Variants in IGFL2 observed in about 807,000 individuals in gnomAD.
IGFL2 encodes the protein IGF like family member 2.
IGFL2 carries 7 observed loss-of-function variants against 13.9 expected under a neutral mutation model. The ratio of observed to expected loss-of-function variants is 0.51; its 90% CI spans 0.29 to 0.95. The LOEUF (loss-of-function observed/expected upper bound fraction) is 0.95, where lower values mean the gene tolerates loss of function less well. Among genes scored for constraint, IGFL2 ranks in the 40% least tolerant of loss-of-function variants. IGFL2 has a pLI of 0.08. For synonymous variants in IGFL2, 55 were observed against 55.8 expected (o/e 0.99, Z 0.07); for missense variants, 138 against 147.8 (o/e 0.93, Z 0.34).
At chr19:46,108,443 G>T in the IGFL2 span, among the ~76,000 whole-genome samples, 2 of 152,176 alleles carry the variant, frequency 1.3e-5, no homozygotes, top group East Asian at 3.8e-4. Context: ...AAGTAATGTT[G>T]CAGAAGAAAA....
the IGFL2 span, among the ~76,000 whole-genome samples, chr19:46,167,623 T>G: frequency 6.6e-6 from 1 of 152,144 alleles, no homozygotes; most frequent in Non-Finnish European, 1.5e-5. Flanking sequence ...ACATTATCTA[T>G]TATGGACTGA....
At chr19:46,101,894 G>A in the IGFL2 span, among the ~76,000 whole-genome samples, 1 of 152,234 alleles carries the variant, frequency 6.6e-6, no homozygotes, top group African/African-American at 2.4e-5. Flanking sequence ...TAACATTGAG[G>A]TGGGCAAATA....
chr19:46,160,910 C>A, intron 3 of IGFL2, 29 bp downstream of exon 3: 1 of 1,610,350 alleles, frequency 6.2e-7, no homozygotes, highest in South Asian at 1.1e-5. Flanking sequence ...GCCAGGGGGT[C>A]GGGGGAAGGG....
downstream of IGFL2, chr19:46,161,318 C>CTTTTTTTTTTTTTTTT (rs71175262): frequency 4.4e-6 from 1 of 228,620 alleles, no homozygotes. Flanking sequence ...CGTCTCCTTT[C>CTTTTTTTTTTTTTTTT]TTTTTTTTTT....
At chr19:46,124,671 G>A in the IGFL2 span, 1 of 1,605,084 alleles carries the variant, frequency 6.2e-7, no homozygotes, top group Non-Finnish European at 8.5e-7. Context: ...TGCTCTAGGA[G>A]AATTGAAGAA....
the IGFL2 span, among the ~76,000 whole-genome samples, chr19:46,105,695 GA>G: frequency 6.6e-6 from 1 of 152,288 alleles, no homozygotes; most frequent in African/African-American, 2.4e-5. Context: ...TGGAAGTTAT[GA>G]GAACTGTAGG....
intron 1 of IGFL2, among the ~76,000 whole-genome samples, chr19:46,152,063 T>C (rs2097351882): frequency 6.6e-6 from 1 of 152,254 alleles, no homozygotes; most frequent in Admixed American, 6.5e-5. Context: ...TTTTGTTGTT[T>C]TTAATGCACA....
the IGFL2 span, among the ~76,000 whole-genome samples, chr19:46,184,750 A>G: frequency 6.6e-5 from 10 of 152,220 alleles, no homozygotes; most frequent in Non-Finnish European, 1.3e-4. Flanking sequence ...AGAATGATTT[A>G]TAATCCTTTG....
At chr19:46,104,192 C>G in the IGFL2 span, among the ~76,000 whole-genome samples, 1 of 152,106 alleles carries the variant, frequency 6.6e-6, no homozygotes, top group African/African-American at 2.4e-5. Context: ...AGGTTGGGTC[C>G]GAGCAAGAAA....
the IGFL2 span, among the ~76,000 whole-genome samples, chr19:46,211,926 TATA>T: frequency 2.0e-5 from 3 of 152,104 alleles, no homozygotes; most frequent in Non-Finnish European, 4.4e-5. Flanking sequence ...TGTACAATAG[TATA>T]ATATGATCGA....
At chr19:46,108,799 G>T in the IGFL2 span, among the ~76,000 whole-genome samples, 1 of 152,194 alleles carries the variant, frequency 6.6e-6, no homozygotes, top group African/African-American at 2.4e-5. Context: ...AGTGACCAGC[G>T]CTGGAGTTTT....
At chr19:46,172,504 G>A in the IGFL2 span, among the ~76,000 whole-genome samples, 1 of 152,048 alleles carries the variant, frequency 6.6e-6, no homozygotes, top group African/African-American at 2.4e-5. Flanking sequence ...TTTTTTTCAG[G>A]TGGAGTTCTG....
chr19:46,142,654 A>G (rs562804157), upstream of IGFL2, among the ~76,000 whole-genome samples: 122 of 152,380 alleles, frequency 8.0e-4, no homozygotes, highest in African/African-American at 2.8e-3. Flanking sequence ...CTGGTGGCTG[A>G]CAGATATTAT....
chr19:46,154,657 G>A (rs1004087580), intron 1 of IGFL2, among the ~76,000 whole-genome samples: 1 of 151,884 alleles, frequency 6.6e-6, no homozygotes, highest in Non-Finnish European at 1.5e-5. Flanking sequence ...CACTGTGCTT[G>A]CCAGGATGGT....
At chr19:46,080,006 C>G in the IGFL2 span, among the ~76,000 whole-genome samples, 1 of 151,740 alleles carries the variant, frequency 6.6e-6, no homozygotes. Flanking sequence ...AGTTGGAAAA[C>G]GTGCGTCAGA....
chr19:46,201,550 C>T, the IGFL2 span, among the ~76,000 whole-genome samples: 1 of 152,230 alleles, frequency 6.6e-6, no homozygotes. Context: ...CCCTGACTCT[C>T]TGAGTCATCA....
chr19:46,153,290 T>G lies in IGFL2; in HGVS notation c.19+4993T>G, dbSNP rs75446829. 6.7e-3 allele frequency among the ~76,000 whole-genome samples: 1,018 copies of G among 152,334 alleles called. 36 individuals carry two copies. Among genetic ancestry groups the G allele is most frequent in the East Asian group, 0.056 (291 of 5,188 alleles). On this transcript the variant is annotated intron_variant, in intron 1 of 3. Coordinates refer to ENST00000377693, the MANE Select transcript of IGFL2 (RefSeq NM_001135113.2). ...TTCACCATCTGGGTCTGGATGGGCA[T>G]TTCCCGTGTATGGGTATTCCCCTTT...
chr19:46,140,141 G>A (rs1972793437), upstream of IGFL2, among the ~76,000 whole-genome samples: 1 of 151,740 alleles, frequency 6.6e-6, no homozygotes, highest in East Asian at 1.9e-4. Flanking sequence ...GTAGAGACGG[G>A]GTTTCACCAC....
the IGFL2 span, among the ~76,000 whole-genome samples, chr19:46,122,173 A>G: frequency 0.014 from 2,062 of 151,096 alleles, 70 homozygotes; most frequent in Middle Eastern, 0.031. Context: ...ATCCACTTCC[A>G]TTGCCCTGAC....
Sources: allele counts gnomAD v4.1 joint callset (sites outside exome capture counted in the v4.1 genomes callset), GRCh38; gene constraint gnomAD v4.1.1; transcripts MANE v1.5; gene names NCBI Gene and HGNC (gene_info 2026-07-23, HGNC 2026-07-21).